The following MTCL3 variants were observed in gnomAD, a reference collection of about 807,000 sequenced individuals.
MTCL3 encodes the protein microtubule cross-linking factor 3.
chr6:127,512,656 AAC>A, the MTCL3 span, among the ~76,000 whole-genome samples: 1 of 152,196 alleles, frequency 6.6e-6, no homozygotes, highest in African/African-American at 2.4e-5. Context: ...ACAGAGATGA[AAC>A]ACAGAGATCA....
the MTCL3 span, chr6:127,516,075 G>A: frequency 6.7e-7 from 1 of 1,498,016 alleles, no homozygotes; most frequent in South Asian, 1.2e-5. Flanking sequence ...CCCTTTCCCC[G>A]GAGCCGCCGC....
the MTCL3 span, among the ~76,000 whole-genome samples, chr6:127,501,305 C>T: frequency 2.0e-5 from 3 of 152,082 alleles, no homozygotes; most frequent in East Asian, 1.9e-4. Flanking sequence ...TACATTTTAC[C>T]CTTGATAGAT....
chr6:127,507,989 C>G, the MTCL3 span, among the ~76,000 whole-genome samples: 9,791 of 151,756 alleles, frequency 0.065, 376 homozygotes, highest in East Asian at 0.11. Context: ...TGTTATTCGA[C>G]AAACTATTGG....
At chr6:127,517,883 A>G in the MTCL3 span, 6 of 152,248 alleles carry the variant, frequency 3.9e-5, no homozygotes, top group Non-Finnish European at 8.8e-5. Context: ...AAGGGGCATG[A>G]CTAGGCATAA....
chr6:127,475,809 G>A, the MTCL3 span: 1 of 1,612,658 alleles, frequency 6.2e-7, no homozygotes, highest in Non-Finnish European at 8.5e-7. This position sits in a 1 kb window ranked among gnomAD's most constrained non-coding sequence, Gnocchi z 7.3. Context: ...CCAGGTGCGA[G>A]GCCAGGTCGT....
chr6:127,493,795 T>C, the MTCL3 span, among the ~76,000 whole-genome samples: 2 of 152,262 alleles, frequency 1.3e-5, no homozygotes, highest in African/African-American at 2.4e-5. Flanking sequence ...AAAATAGCTG[T>C]GATCATGGTA....
chr6:127,514,268 T>G, the MTCL3 span, among the ~76,000 whole-genome samples: 19 of 149,418 alleles, frequency 1.3e-4, no homozygotes, highest in Non-Finnish European at 1.9e-4. Context: ...TGGTTATCTG[T>G]TTTTTTTTTC....
the MTCL3 span, among the ~76,000 whole-genome samples, chr6:127,499,852 G>A: frequency 0.13 from 19,759 of 152,178 alleles, 2,106 homozygotes; most frequent in East Asian, 0.64. Context: ...AGATGGTTCA[G>A]AGTATTTCCC....
At chr6:127,515,705 C>T in the MTCL3 span, 6 of 1,577,294 alleles carry the variant, frequency 3.8e-6, no homozygotes, top group Non-Finnish European at 5.1e-6. The surrounding 1 kb of genome is among the most constrained non-coding windows in gnomAD (Gnocchi z 4.3). Context: ...GAGGCGACGG[C>T]CAGGGTCTCG....
chr6:127,503,638 T>C, the MTCL3 span, among the ~76,000 whole-genome samples: 1 of 152,204 alleles, frequency 6.6e-6, no homozygotes, highest in African/African-American at 2.4e-5. Flanking sequence ...CCCATTCCCT[T>C]TCTCAAGAAT....
At chr6:127,503,866 C>T in the MTCL3 span, among the ~76,000 whole-genome samples, 3 of 151,638 alleles carry the variant, frequency 2.0e-5, no homozygotes, top group Non-Finnish European at 4.4e-5. Context: ...TTCACAGCCA[C>T]TTTTTTTTTC....
the MTCL3 span, among the ~76,000 whole-genome samples, chr6:127,499,040 C>T: frequency 1.3e-5 from 2 of 151,880 alleles, no homozygotes; most frequent in Non-Finnish European, 2.9e-5. Context: ...TTAAATTGTA[C>T]AATTAAGTGA....
At chr6:127,495,738 G>C in the MTCL3 span, among the ~76,000 whole-genome samples, 1 of 152,004 alleles carries the variant, frequency 6.6e-6, no homozygotes, top group Admixed American at 6.6e-5. Flanking sequence ...CTTTTCTGAG[G>C]GTAATTCCTG....
At chr6:127,492,633 G>A in the MTCL3 span, among the ~76,000 whole-genome samples, 1 of 152,044 alleles carries the variant, frequency 6.6e-6, no homozygotes, top group East Asian at 1.9e-4. Context: ...ATGTTCTCCT[G>A]CCTCAGCCTC....
chr6:127,516,001 T>C, the MTCL3 span: 1 of 1,596,910 alleles, frequency 6.3e-7, no homozygotes, highest in Non-Finnish European at 8.5e-7. Flanking sequence ...GCCGCCCCTC[T>C]GCTGAGCGCG....
At chr6:127,497,767 C>T in the MTCL3 span, among the ~76,000 whole-genome samples, 1 of 151,746 alleles carries the variant, frequency 6.6e-6, no homozygotes, top group Non-Finnish European at 1.5e-5. Flanking sequence ...GTTTGACATT[C>T]AATGATGATA....
the MTCL3 span, among the ~76,000 whole-genome samples, chr6:127,487,075 G>A: frequency 6.6e-6 from 1 of 152,116 alleles, no homozygotes. Flanking sequence ...CACTTTATAT[G>A]TATCTACTCA....
At chr6:127,495,196 CA>C in the MTCL3 span, among the ~76,000 whole-genome samples, 54,074 of 137,208 alleles carry the variant, frequency 0.39, 11,797 homozygotes, top group Non-Finnish European at 0.53. Context: ...GACTCCATCT[CA>C]AAAAAAAAAA....
chr6:127,501,935 A>T, the MTCL3 span, among the ~76,000 whole-genome samples: 2 of 152,204 alleles, frequency 1.3e-5, no homozygotes, highest in African/African-American at 4.8e-5. Context: ...TTAATTTGGA[A>T]AATACTTTCC....
Sources: gnomAD v4.1 joint callset for allele counts (sites outside exome capture counted in the v4.1 genomes callset) on GRCh38, gnomAD v4.1.1 for gene constraint, Gnocchi (gnomAD v3.1) non-coding constraint, MANE v1.5 for transcripts, NCBI Gene and HGNC (gene_info 2026-07-23, HGNC 2026-07-21) for gene names.